Variants in FAAP20 observed in about 807,000 individuals in gnomAD.
FAAP20 encodes Fanconi anemia core complex-associated protein 20.
In FAAP20, 12 loss-of-function variants were observed where a neutral mutation model predicts 16.2. The observed-to-expected ratio is 0.74, with a 90% CI of 0.48 to 1.20. The LOEUF is 1.20. FAAP20 is among the 50% of genes most tolerant of loss of function. The pLI is 0.00. For missense variants in FAAP20, 288 were observed against 245.8 expected (o/e 1.17, Z -1.15); for synonymous variants, 141 against 110.7 (o/e 1.27, Z -1.72).
At chr1:2,211,356 A>G (rs1433541802), downstream of FAAP20, among the ~76,000 whole-genome samples, 2 of 119,626 alleles carry the variant, frequency 1.7e-5, no homozygotes, top group Admixed American at 1.9e-4. Context: ...CAGCCTCCCA[A>G]GTAGCTGGGA....
chr1:2,186,261 G>C (rs941221398), downstream of FAAP20: 16 of 282,594 alleles, frequency 5.7e-5, no homozygotes, highest in African/African-American at 3.6e-4. Context: ...TTGGGGAAGA[G>C]AGACGTAAAA....
chr1:2,187,990 G>T (rs1026553253), downstream of FAAP20, among the ~76,000 whole-genome samples: 5 of 152,226 alleles, frequency 3.3e-5, no homozygotes, highest in Admixed American at 3.3e-4. Flanking sequence ...CCCTAGGGTT[G>T]GAATCACAGT....
chr1:2,210,233 G>A (rs1300834604), downstream of FAAP20, among the ~76,000 whole-genome samples: 1 of 152,232 alleles, frequency 6.6e-6, no homozygotes, highest in Non-Finnish European at 1.5e-5. Flanking sequence ...AAATCAAGCG[G>A]GAGGGTAGGA....
chr1:2,205,349 A>C (rs1250956399), intron 3 of FAAP20, among the ~76,000 whole-genome samples: 3 of 79,698 alleles, frequency 3.8e-5, no homozygotes, highest in South Asian at 4.2e-4. Flanking sequence ...GTTCCGCCCC[A>C]CCCCGCCCCA....
upstream of FAAP20, among the ~76,000 whole-genome samples, chr1:2,201,484 G>T (rs139281009): frequency 1.1e-4 from 16 of 152,332 alleles, no homozygotes; most frequent in East Asian, 3.1e-3. Context: ...CACTTTGGAA[G>T]GCCAAGGCGG....
At chr1:2,211,900 CTT>C (rs60874812), downstream of FAAP20, among the ~76,000 whole-genome samples, 4 of 99,010 alleles carry the variant, frequency 4.0e-5, no homozygotes, top group African/African-American at 5.1e-5. Context: ...CAAGCTGCTG[CTT>C]TTTTTTTTTT....
intron 1 of FAAP20, chr1:2,212,478 G>T (rs1216945495): frequency 6.3e-6 from 1 of 157,892 alleles, no homozygotes; most frequent in Non-Finnish European, 1.4e-5. Flanking sequence ...GGAGCACCAG[G>T]TGGGTATGGG....
At chr1:2,193,138 C>T (rs1439957003) in intron 3 of FAAP20, 3 of 557,372 alleles carry the variant, frequency 5.4e-6, no homozygotes, top group Admixed American at 7.1e-5. Flanking sequence ...TCGCCAGACA[C>T]AAGGCCAGGC....
upstream of FAAP20, among the ~76,000 whole-genome samples, chr1:2,204,646 C>T (rs1689168677): frequency 6.6e-6 from 1 of 152,080 alleles, no homozygotes; most frequent in African/African-American, 2.4e-5. Flanking sequence ...GGGTGGATTC[C>T]CTCCCACTGC....
At chr1:2,211,941 C>G (rs554517466), downstream of FAAP20, among the ~76,000 whole-genome samples, 4 of 119,126 alleles carry the variant, frequency 3.4e-5, no homozygotes, top group Non-Finnish European at 6.4e-5. Flanking sequence ...CTTGCTTTGT[C>G]GCCCAGGCTG....
chr1:2,195,983 G>A (rs1557786239), upstream of FAAP20, among the ~76,000 whole-genome samples: 1 of 152,186 alleles, frequency 6.6e-6, no homozygotes, highest in Non-Finnish European at 1.5e-5. Flanking sequence ...GCCTGGGGGA[G>A]CTGCTGCAGG....
At chr1:2,200,606 T>A (rs755734803), upstream of FAAP20, 4 of 980,110 alleles carry the variant, frequency 4.1e-6, no homozygotes, top group Non-Finnish European at 4.8e-6. Context: ...AGAATATACA[T>A]GTCACTCGTT....
intron 3 of FAAP20, chr1:2,190,793 G>A (rs1688133991): frequency 1.2e-5 from 3 of 249,110 alleles, no homozygotes; most frequent in East Asian, 9.6e-5. Context: ...CACAGGACAC[G>A]TGTCCCTGTG....
chr1:2,199,138 C>A (rs567691422), upstream of FAAP20: 5 of 1,183,962 alleles, frequency 4.2e-6, no homozygotes, highest in East Asian at 3.0e-4. The surrounding 1 kb of genome is among the most constrained non-coding windows in gnomAD (Gnocchi z 4.5). Flanking sequence ...CCGGGAGAGA[C>A]AGCGGTCCTG....
intron 3 of FAAP20, chr1:2,190,058 T>C (rs1191652154): frequency 1.7e-6 from 1 of 590,776 alleles, no homozygotes; most frequent in African/African-American, 1.8e-5. Context: ...TCTATGGGAT[T>C]CTGGCGCCTG....
Position 2,189,831 on chromosome 1 carries a change from C to T in FAAP20, c.471-50G>A, listed in dbSNP as rs369453981. The T allele has an allele frequency of 1.1e-5, 15 of 1,412,838 alleles. No individual in the cohort carries two copies. The African/African-American group carries it at 2.0e-4, about 19-fold the overall frequency. 87.5% of individuals were successfully genotyped at this position (1,412,838 alleles called of 1,614,324 possible). On this transcript the variant is annotated intron_variant, in intron 3 of 3. Transcript: ENST00000378546. ...TCGGCCACCTCCGCGGCATGCTGGC[C>T]GCAGAGAGCACCGTCTGGACCTCCG...
downstream of FAAP20, among the ~76,000 whole-genome samples, chr1:2,208,142 C>T (rs1177205570): frequency 6.6e-6 from 1 of 152,034 alleles, no homozygotes; most frequent in Non-Finnish European, 1.5e-5. Flanking sequence ...GGGTGACTGC[C>T]AGGGAGTCAG....
upstream of FAAP20, among the ~76,000 whole-genome samples, chr1:2,197,211 C>A (rs1341383135): frequency 6.6e-6 from 1 of 152,238 alleles, no homozygotes; most frequent in African/African-American, 2.4e-5. Context: ...AGAACAGGGG[C>A]CTTTCTGGGC....
upstream of FAAP20, chr1:2,199,368 C>G: frequency 2.0e-6 from 2 of 1,023,850 alleles, no homozygotes; most frequent in South Asian, 6.8e-5. The surrounding 1 kb of genome is among the most constrained non-coding windows in gnomAD (Gnocchi z 4.5). Flanking sequence ...CCTGCTCTGA[C>G]GTCCCCCCGC....
Sources: allele counts gnomAD v4.1 joint callset (sites outside exome capture counted in the v4.1 genomes callset), GRCh38; gene constraint gnomAD v4.1.1; non-coding constraint Gnocchi (gnomAD v3.1); transcripts MANE v1.5; gene names NCBI Gene and HGNC (gene_info 2026-07-23, HGNC 2026-07-21).